Variants in STAT4 observed in about 807,000 individuals in gnomAD.
The protein encoded by STAT4 is signal transducer and activator of transcription 4.
A neutral mutation model predicts 110.5 loss-of-function variants in STAT4; 42 were observed. That is an observed-to-expected ratio of 0.38 (90% CI 0.30 to 0.49). The LOEUF (loss-of-function observed/expected upper bound fraction) is 0.49. Ranked by LOEUF, STAT4 falls within the 20% of genes least tolerant of loss-of-function variation. The pLI is 0.95. For missense variants in STAT4, 632 were observed against 887.9 expected (o/e 0.71, Z 3.66); for synonymous variants, 284 against 302.2 (o/e 0.94, Z 0.63).
chr2:191,072,574 A>G (rs188958194), intron 5 of STAT4, among the ~76,000 whole-genome samples: 108 of 152,358 alleles, frequency 7.1e-4, no homozygotes, highest in African/African-American at 2.4e-3. Flanking sequence ...AAGGAAATGA[A>G]TGCTATGTAA....
chr2:191,089,683 C>T (rs1446859269), intron 3 of STAT4, among the ~76,000 whole-genome samples: 2 of 152,142 alleles, frequency 1.3e-5, no homozygotes, highest in Non-Finnish European at 2.9e-5. Flanking sequence ...TGAATAGATA[C>T]ACTGCAGTCC....
chr2:191,090,463 TATA>T lies in STAT4; in HGVS notation c.274-14141_274-14139del, dbSNP rs10553577. On this transcript the variant is annotated intron_variant, in intron 3 of 23. Coordinates refer to ENST00000392320, the MANE Select transcript of STAT4 (RefSeq NM_003151.4). The surrounding 1 kb of genome is among the most constrained non-coding windows in gnomAD (Gnocchi z 4.2). ...AAATTAACAATGCTCTGTTATTATT[TATA>T]ATAATAATAATAATACATCTATCTT... 0.22 allele frequency among the ~76,000 whole-genome samples: 32,629 copies of T among 151,650 alleles called. 3,771 individuals are homozygous for T. Among genetic ancestry groups the T allele is most frequent in the East Asian group, 0.34 (1,764 of 5,144 alleles).
rs754637298 is a variant in STAT4, at chr2:191,030,999, G to A, written c.2193C>T (p.Asn731=). 1.2e-6 allele frequency: 2 copies of A among 1,613,968 alleles called. No homozygotes were observed. Among genetic ancestry groups the A allele is most frequent in the Non-Finnish European group, 1.7e-6 (2 of 1,179,848 alleles). The change falls in exon 23 of 24, where the codon AAC becomes AAT. Residue 731 remains asparagine, a synonymous_variant. Transcript: ENST00000392320. This position sits in a 1 kb window ranked among gnomAD's most constrained non-coding sequence, Gnocchi z 4.4. ...SPSVYAVLRE[N]LSPTTIETAM... ...CAGTTTCAATTGTTGTGGGACTCAG[G>A]TTTTCTCTCAACACCGCATACACAC...
rs904198149 is a variant in STAT4, at chr2:191,053,808, T to C, written c.1251+682A>G. Among the ~76,000 whole-genome samples, 3 of 152,178 alleles carry C rather than the reference T, an allele frequency of 2.0e-5. No homozygotes were observed. Among genetic ancestry groups the C allele is most frequent in the African/African-American group, 7.2e-5 (3 of 41,450 alleles). ...GTAATGCAAGCAATGTAAATCATGT[T>C]CTCCAAGAGTATTTAAAATTATGGA... On this transcript the variant is annotated intron_variant, in intron 14 of 23. Transcript: ENST00000392320. This position sits in a 1 kb window ranked among gnomAD's most constrained non-coding sequence, Gnocchi z 4.5.
rs3024922 is a variant in STAT4 at position 191,077,254 on chromosome 2, T to A, written c.274-929A>T. Among the ~76,000 whole-genome samples the A allele has an allele frequency of 7.9e-3, 1,197 of 152,324 alleles. 15 individuals carry two copies. The highest frequency in any genetic ancestry group is 0.037 in the Middle Eastern group (11 of 294). Reference sequence around the variant, plus strand: ...CTGGAATCCCTTTGGAGAAAGTATGTACTACCCAGGGTTGACACAGTGCCT... The same window carrying A: ...CTGGAATCCCTTTGGAGAAAGTATGAACTACCCAGGGTTGACACAGTGCCT... On this transcript the variant is annotated intron_variant, in intron 3 of 23. Coordinates refer to ENST00000392320, the MANE Select transcript of STAT4 (RefSeq NM_003151.4). The surrounding 1 kb of genome is among the most constrained non-coding windows in gnomAD (Gnocchi z 4.1).
chr2:191,040,622 C>T (rs1472883654), intron 15 of STAT4, among the ~76,000 whole-genome samples: 1 of 152,072 alleles, frequency 6.6e-6, no homozygotes. Context: ...AGTGCAGTGG[C>T]ATGATCAGCA....
chr2:191,054,126 CAA>C (rs1351116378), intron 14 of STAT4, among the ~76,000 whole-genome samples: 7 of 51,786 alleles, frequency 1.4e-4, no homozygotes, highest in Non-Finnish European at 2.1e-4. Context: ...AGACCCTTCT[CAA>C]AAAAAAAAAA....
Position 191,062,769 on chromosome 2 carries a change from A to G in STAT4, c.934T>C (p.Phe312Leu), listed in dbSNP as rs779772586. 1.1e-5 allele frequency: 17 copies of G among 1,613,510 alleles called. No individual in the cohort carries two copies. Among genetic ancestry groups the G allele is most frequent in the Non-Finnish European group, 1.4e-5 (17 of 1,179,726 alleles). The change falls in exon 9 of 24, where the codon TTC (phenylalanine) becomes CTC (leucine). Residue 312 changes from phenylalanine to leucine, a missense_variant. By Grantham distance (22) the Phe-to-Leu change is conservative (BLOSUM62 0). Around this residue, in one of 4 missense-constraint regions of STAT4, gnomAD observed 488 missense variants for 632.8 expected, o/e 0.77. Coordinates refer to ENST00000392320, the MANE Select transcript of STAT4 (RefSeq NM_003151.4). This position sits in a 1 kb window ranked among gnomAD's most constrained non-coding sequence, Gnocchi z 4.9. ...TGATAGCACTTCACTTACTTCTTGA[A>G]AAGGTTGTAGATCAAGAAGGTGACT... ...ERVTFLIYNL[F>L]KNSFVVERQP...
At chr2:191,115,127 TATGCCAC>T (rs1323258275) in intron 3 of STAT4, among the ~76,000 whole-genome samples, 1 of 152,208 alleles carries the variant, frequency 6.6e-6, no homozygotes, top group Non-Finnish European at 1.5e-5. Context: ...GGGTCTGCTA[TATGCCAC>T]ACACTGTGCT....
In STAT4 at chr2:191,046,783, G is replaced by T. The variant is rs1487969279; in HGVS notation, c.1252-5635C>A. ...GTGAGTCTTCTGTTCTAAAAATTTGGTCTTTGATCCTGGTTCCTGACACGG... is the reference window on the plus strand; with the variant it reads ...GTGAGTCTTCTGTTCTAAAAATTTGTTCTTTGATCCTGGTTCCTGACACGG... On this transcript the variant is annotated intron_variant, in intron 14 of 23. Transcript: ENST00000392320. This position sits in a 1 kb window ranked among gnomAD's most constrained non-coding sequence, Gnocchi z 4.6. Among the ~76,000 whole-genome samples, 1 of 152,126 alleles carries T rather than the reference G, an allele frequency of 6.6e-6. No homozygotes were observed. Among genetic ancestry groups the T allele is most frequent in the East Asian group, 1.9e-4 (1 of 5,188 alleles).
In STAT4 at chr2:191,066,448, G is replaced by T. The variant is rs144713478; in HGVS notation, c.612C>A (p.Ser204Arg). The T allele has an allele frequency of 6.2e-7, 1 of 1,613,286 alleles. No homozygotes were observed. Among genetic ancestry groups the T allele is most frequent in the African/African-American group, 1.3e-5 (1 of 74,998 alleles). ...EVLTLQEMLN[S>R]LDFKRKEALS... ...CACTAACCTTTCTCTTGAAATCGAG[G>T]CTGTTAAGCATTTCCTGCAGTGTCA... The change falls in exon 7 of 24, where the codon AGC becomes AGA. Residue 204 changes from serine (S) to arginine (R), a missense_variant. Physicochemically the swap from Ser to Arg is moderately radical, Grantham distance 110. Coordinates refer to ENST00000392320, the MANE Select transcript of STAT4 (RefSeq NM_003151.4). The surrounding 1 kb of genome is among the most constrained non-coding windows in gnomAD (Gnocchi z 4.3).
Position 191,036,135 on chromosome 2 carries a change from G to A in STAT4, c.1570+29C>T, listed in dbSNP as rs768359016. On this transcript the variant is annotated intron_variant, in intron 17 of 23. Transcript: ENST00000392320. ...AAATGCCTGAGGGCCAAAAACAGAG[G>A]CAAATCCTCTCTATCTACCAGCTCT... 2.5e-6 allele frequency: 4 copies of A among 1,606,618 alleles called. No individual in the cohort carries two copies. The East Asian group carries it at 8.9e-5, about 36-fold the overall frequency.
chr2:191,130,432 C>CAGGATGGT (rs1699003585), intron 3 of STAT4, among the ~76,000 whole-genome samples: 1 of 149,786 alleles, frequency 6.7e-6, no homozygotes, highest in Admixed American at 6.6e-5. Flanking sequence ...CCATGTAAGC[C>CAGGATGGT]AGGATGGTCT....
Position 191,116,138 on chromosome 2 carries a change from C to T in STAT4, c.273+30475G>A, listed in dbSNP as rs187879521. 3.9e-5 allele frequency among the ~76,000 whole-genome samples: 6 copies of T among 152,176 alleles called. No individual in the cohort carries two copies. In the East Asian group the frequency reaches 5.8e-4, roughly 15 times the overall value. ...TTACATGTAATGCTTTGGTAAGGGC[C>T]GTGATGGACAAAGTCAATGGTACTC... On this transcript the variant is annotated intron_variant, in intron 3 of 23. Transcript: ENST00000392320. This position sits in a 1 kb window ranked among gnomAD's most constrained non-coding sequence, Gnocchi z 4.1.
At chr2:191,071,106 G>C (rs565355521) in intron 5 of STAT4, among the ~76,000 whole-genome samples, 1 of 152,112 alleles carries the variant, frequency 6.6e-6, no homozygotes, top group African/African-American at 2.4e-5. Flanking sequence ...AGTAATAACA[G>C]CTACCAATTT....
intron 3 of STAT4, among the ~76,000 whole-genome samples, chr2:191,120,293 T>C (rs1698683683): frequency 6.6e-6 from 1 of 152,048 alleles, no homozygotes. Flanking sequence ...AATACATATA[T>C]CTGACAAAGA....
At chr2:191,074,091 G>T (rs1697244615) in intron 4 of STAT4, among the ~76,000 whole-genome samples, 1 of 152,288 alleles carries the variant, frequency 6.6e-6, no homozygotes, top group South Asian at 2.1e-4. Flanking sequence ...AGAACAAAGG[G>T]AGTTTATGAA....
At chr2:191,141,167 T>C (rs961826675) in intron 3 of STAT4, among the ~76,000 whole-genome samples, 1 of 151,838 alleles carries the variant, frequency 6.6e-6, no homozygotes, top group Non-Finnish European at 1.5e-5. Context: ...TGCACTAAAA[T>C]TTTAGAAGTC....
At position 191,107,276 on chromosome 2, in the gene STAT4, C is replaced by G. The variant is rs756286322; in HGVS notation, c.274-30951G>C. Among the ~76,000 whole-genome samples the G allele has an allele frequency of 5.9e-5, 9 of 152,184 alleles. No individual in the cohort carries two copies. Among genetic ancestry groups the G allele is most frequent in the Non-Finnish European group, 8.8e-5 (6 of 68,034 alleles). ...TCAATATGTACTTGAAGCATGTTTA[C>G]TGACTGAAATCCAGAGTCCATCTTT... On this transcript the variant is annotated intron_variant, in intron 3 of 23. Transcript: ENST00000392320. This position sits in a 1 kb window ranked among gnomAD's most constrained non-coding sequence, Gnocchi z 4.2.
Sources: gnomAD v4.1 joint callset for allele counts (sites outside exome capture counted in the v4.1 genomes callset) on GRCh38, gnomAD v4.1.1 for gene constraint, gnomAD v4.1.1 regional missense constraint, Gnocchi (gnomAD v3.1) non-coding constraint, MANE v1.5 for transcripts, NCBI Gene and HGNC (gene_info 2026-07-23, HGNC 2026-07-21) for gene names.